Variants in POLQ observed in about 807,000 individuals in gnomAD.
POLQ encodes epididymis secretory sperm binding protein.
In POLQ, 233 loss-of-function variants were observed where a neutral mutation model predicts 259.2. That is an observed-to-expected ratio of 0.90 (90% confidence interval 0.81 to 1.00). The LOEUF (loss-of-function observed/expected upper bound fraction) is 1.00. Ranked by LOEUF, POLQ falls within the 50% of genes least tolerant of loss-of-function variation. The pLI, the probability that POLQ is intolerant of heterozygous loss-of-function variation, is 0.00. For synonymous variants in POLQ, 1,025 were observed against 1,048.8 expected (o/e 0.98, Z 0.44); for missense variants, 2,871 against 3,051.6 (o/e 0.94, Z 1.39).
intron 24 of POLQ, among the ~76,000 whole-genome samples, chr3:121,466,363 C>CAAAAA (rs751087085): frequency 2.1e-5 from 2 of 94,148 alleles, no homozygotes; most frequent in Admixed American, 1.1e-4. Context: ...GACTCCGTCT[C>CAAAAA]AAAAAAAAAA....
In POLQ at chr3:121,488,151, T is replaced by C; in HGVS notation, c.4780A>G (p.Ser1594Gly). Residue 1594 changes from serine (S) to glycine (G), a missense_variant, in exon 16 of 30, where the codon AGT becomes GGT. This residue lies in a region of POLQ where 2,080 missense variants were observed against 2,126.0 expected (regional missense o/e 0.98). Transcript: ENST00000264233. The part of the protein sequence containing the change: ...TVVSPRALEL[S>G]DPVLDEHHQG... ...TGGTGCTCATCAAGTACTGGATCACTTAGTTCTAATGCTCTAGGAGATACT... is the reference window on the plus strand; with the variant it reads ...TGGTGCTCATCAAGTACTGGATCACCTAGTTCTAATGCTCTAGGAGATACT... 6.2e-7 allele frequency: 1 copy of C among 1,613,304 alleles called. No individual in the cohort carries two copies. Among genetic ancestry groups the C allele is most frequent in the African/African-American group, 1.3e-5 (1 of 75,036 alleles).
intron 12 of POLQ, among the ~76,000 whole-genome samples, chr3:121,502,131 T>C (rs186370910): frequency 1.5e-4 from 23 of 152,312 alleles, no homozygotes; most frequent in Admixed American, 1.5e-3. Flanking sequence ...AACAGTATCA[T>C]TACATATTTC....
At chr3:121,498,076 G>A (rs906922667) in intron 13 of POLQ, among the ~76,000 whole-genome samples, 10 of 152,004 alleles carry the variant, frequency 6.6e-5, no homozygotes, top group South Asian at 2.1e-4. Context: ...TTTGGGAGGC[G>A]GAGGCGGGTG....
chr3:121,516,019 A>G (rs76876030), intron 9 of POLQ, among the ~76,000 whole-genome samples: 3 of 152,066 alleles, frequency 2.0e-5, no homozygotes, highest in Non-Finnish European at 2.9e-5. Flanking sequence ...GATGAAGAGT[A>G]CAATGAGTGA....
chr3:121,485,232 CA>C, intron 16 of POLQ, 48 bp from the exon 17 acceptor site: 1 of 1,290,402 alleles, frequency 7.7e-7, no homozygotes, highest in Non-Finnish European at 1.1e-6. Flanking sequence ...AAAATAAAGA[CA>C]TTACATAAAT....
At chr3:121,446,750 T>C (rs1296020040) in intron 26 of POLQ, among the ~76,000 whole-genome samples, 1 of 152,222 alleles carries the variant, frequency 6.6e-6, no homozygotes, top group Non-Finnish European at 1.5e-5. Context: ...TTTTGTCTGA[T>C]AAATAGTATA....
At chr3:121,538,019 C>A (rs553105145) in intron 4 of POLQ, among the ~76,000 whole-genome samples, 1 of 152,196 alleles carries the variant, frequency 6.6e-6, no homozygotes, top group African/African-American at 2.4e-5. Flanking sequence ...CAGGGCTAAA[C>A]AAACCCAGGG....
intron 28 of POLQ, among the ~76,000 whole-genome samples, chr3:121,435,291 T>C (rs2047533575): frequency 6.6e-6 from 1 of 152,106 alleles, no homozygotes; most frequent in African/African-American, 2.4e-5. Flanking sequence ...GTACAAGAAA[T>C]AATTTATCCA....
chr3:121,467,676 G>A, intron 23 of POLQ, 36 bp from the exon 24 acceptor site: 1 of 1,605,276 alleles, frequency 6.2e-7, no homozygotes, highest in Non-Finnish European at 8.5e-7. Context: ...TAGACATGAA[G>A]CAGTCTCAAA....
chr3:121,437,429 T>C (rs576725828), intron 27 of POLQ, among the ~76,000 whole-genome samples: 2 of 152,304 alleles, frequency 1.3e-5, no homozygotes, highest in African/African-American at 4.8e-5. Context: ...TAATACACAT[T>C]TGTAAGGTTG....
At chr3:121,456,257 C>T (rs1404034975) in intron 25 of POLQ, among the ~76,000 whole-genome samples, 4 of 152,102 alleles carry the variant, frequency 2.6e-5, no homozygotes, top group Non-Finnish European at 5.9e-5. Context: ...CTATCTATGA[C>T]AAACCCACAG....
intron 7 of POLQ, among the ~76,000 whole-genome samples, chr3:121,526,400 A>C (rs1246657512): frequency 6.6e-6 from 1 of 152,172 alleles, no homozygotes; most frequent in Non-Finnish European, 1.5e-5. Flanking sequence ...CCTGATCATA[A>C]ACCCAACTGC....
Position 121,483,409 on chromosome 3 carries a change from C to A in POLQ, c.5947G>T (p.Glu1983Ter). Reference protein sequence around the residue: ...ILLLSCGISLEQSYEDPKVAC... With the variant: ...ILLLSCGISL ...ACCTTAGGATCTTCATAACTTTGCT[C>A]CAAGGAGATGCCACAAGAAAGAAGA... The change falls in exon 18 of 30, where the codon GAG becomes TAG. Residue 1983 changes from glutamate to a stop codon, truncating the protein, a stop_gained. Transcript: ENST00000264233. LOFTEE classifies it high-confidence loss of function. 6.3e-7 allele frequency: 1 copy of A among 1,575,458 alleles called. No homozygotes were observed. The highest frequency in any genetic ancestry group is 8.6e-7 in the Non-Finnish European group (1 of 1,166,736).
chr3:121,522,187 C>T, intron 7 of POLQ, 38 bp from the exon 8 acceptor site: 1 of 1,489,006 alleles, frequency 6.7e-7, no homozygotes, highest in Non-Finnish European at 9.0e-7. Flanking sequence ...TTGCTTCTAA[C>T]TCAGCTTCTT....
chr3:121,437,746 T>C (rs2047555806), intron 27 of POLQ, among the ~76,000 whole-genome samples: 1 of 152,150 alleles, frequency 6.6e-6, no homozygotes. Flanking sequence ...TTCAAAAACA[T>C]AATAGCTTAG....
chr3:121,454,225 G>A lies in POLQ; in HGVS notation c.7153-4799C>T, dbSNP rs149085055. Among the ~76,000 whole-genome samples the A allele has an allele frequency of 9.0e-3, 1,368 of 152,286 alleles. 19 individuals carry two copies. Among genetic ancestry groups the A allele is most frequent in the African/African-American group, 0.031 (1,295 of 41,552 alleles). ...CCTGGCCAGCCCTAAAAGAGCTCCT[G>A]AAGGAAGCACTAAACATGGAAAGGA... On this transcript the variant is annotated intron_variant, in intron 25 of 29. Coordinates refer to ENST00000264233, the MANE Select transcript of POLQ (RefSeq NM_199420.4).
In POLQ at chr3:121,481,681, T is replaced by C; in HGVS notation, c.6102A>G (p.Leu2034=). The change falls in exon 19 of 30, where the codon CTA becomes CTG. Residue 2034 remains leucine, a synonymous_variant. Transcript: ENST00000264233. The part of the protein sequence containing the change: ...ETSQGIQSLG[L]NAGSEHSGRY... ...GCCCAGAATGCTCACTGCCAGCATT[T>C]AGCCCCAGGCTTTGAATCCCTTGGC... is the stretch of plus-strand genomic sequence containing the variant. The C allele has an allele frequency of 6.2e-7, 1 of 1,614,176 alleles. No homozygotes were observed. Among genetic ancestry groups the C allele is most frequent in the Non-Finnish European group, 8.5e-7 (1 of 1,180,004 alleles).
rs2048236058 is a variant in POLQ, at chr3:121,509,564, A to G, written c.1956T>C (p.Tyr652=). The G allele has an allele frequency of 1.2e-6, 2 of 1,609,322 alleles. No individual in the cohort carries two copies. The highest frequency in any genetic ancestry group is 1.3e-5 in the African/African-American group (1 of 74,724). The change falls in exon 12 of 30, where the codon TAT becomes TAC. Residue 652 remains tyrosine, a synonymous_variant. Coordinates refer to ENST00000264233, the MANE Select transcript of POLQ (RefSeq NM_199420.4). Reference sequence around the variant, plus strand: ...TAATTGTTAAAACAGAACTTACCAGATAGAGAATATGAAGATCATTCTCTA... The same window carrying G: ...TAATTGTTAAAACAGAACTTACCAGGTAGAGAATATGAAGATCATTCTCTA... ...FVLENDLHIL[Y]LVTPMFEDWT...
chr3:121,519,783 T>G, intron 9 of POLQ, 88 bp downstream of exon 9: 1 of 760,264 alleles, frequency 1.3e-6, no homozygotes, highest in Non-Finnish European at 2.4e-6. Flanking sequence ...TACAGCATGA[T>G]GAGAAACAGG....
Sources: gnomAD v4.1 joint callset for allele counts (sites outside exome capture counted in the v4.1 genomes callset) on GRCh38, gnomAD v4.1.1 for gene constraint, gnomAD v4.1.1 regional missense constraint, MANE v1.5 for transcripts, NCBI Gene and HGNC (gene_info 2026-07-23, HGNC 2026-07-21) for gene names.